Variants in SMAP2 observed in about 807,000 individuals in gnomAD.
SMAP2 encodes stromal membrane-associated protein 2.
A neutral mutation model predicts 56.4 loss-of-function variants in SMAP2; 25 were observed. That is an observed-to-expected ratio of 0.44 (90% CI 0.32 to 0.62). The LOEUF (loss-of-function observed/expected upper bound fraction) is 0.62. Among genes scored for constraint, SMAP2 ranks in the 20% least tolerant of loss-of-function variants. SMAP2 has a pLI of 0.04. For missense variants in SMAP2, 388 were observed against 545.6 expected (o/e 0.71, Z 2.88); for synonymous variants, 157 against 181.7 (o/e 0.86, Z 1.09).
intron 6 of SMAP2, 77 bp downstream of exon 6, chr1:40,414,317 G>GA: frequency 7.4e-7 from 1 of 1,355,574 alleles, no homozygotes; most frequent in South Asian, 1.2e-5. Flanking sequence ...GATAGGTAGA[G>GA]ATGGGGTTCT....
intron 1 of SMAP2, chr1:40,375,830 C>T (rs1037316195): frequency 1.3e-6 from 1 of 776,378 alleles, no homozygotes; most frequent in Non-Finnish European, 1.6e-6. Flanking sequence ...ACTAGAACCC[C>T]CCCCCCCATT....
At position 40,348,774 on chromosome 1, in the gene SMAP2, T is replaced by C. The variant is rs181762984; in HGVS notation, c.-83+3864T>C. Among the ~76,000 whole-genome samples the C allele has an allele frequency of 3.3e-5, 5 of 152,190 alleles. No individual in the cohort carries two copies. The East Asian group carries it at 9.7e-4, about 29-fold the overall frequency. On this transcript the variant is annotated intron_variant, in intron 1 of 6. Transcript: ENST00000435168. Reference sequence around the variant, plus strand: ...AGAAGAATAAAATACTATTTCTTTCTTTCTTTCTTTCTTTTTTGAGATGGA... The same window carrying C: ...AGAAGAATAAAATACTATTTCTTTCCTTCTTTCTTTCTTTTTTGAGATGGA...
rs991322998 is a variant in SMAP2 at position 40,423,063 on chromosome 1, G to A, written c.*962G>A. 17 of 152,578 alleles carry A rather than the reference G, an allele frequency of 1.1e-4. No homozygotes were observed. The highest frequency in any genetic ancestry group is 3.9e-4 in the African/African-American group (16 of 41,414). The allele number at this position is 152,578 out of a possible 1,614,324, so 9.5% of individuals were successfully genotyped here. On this transcript the variant is annotated 3_prime_UTR_variant, in exon 10 of 10. Transcript: ENST00000372718. The stretch of plus-strand genomic sequence containing the variant: ...ATGGTTTAAAAAACGCCATGTCATT[G>A]ATAACTCCCTTTCTCCCTTCCCTTC...
intron 1 of SMAP2, among the ~76,000 whole-genome samples, chr1:40,350,085 C>T (rs1031707883): frequency 6.6e-6 from 1 of 152,110 alleles, no homozygotes; most frequent in African/African-American, 2.4e-5. Flanking sequence ...CATGTGTTCC[C>T]AGTATCAAGA....
At chr1:40,352,928 G>C (rs1195521296) in intron 1 of SMAP2, among the ~76,000 whole-genome samples, 1 of 152,160 alleles carries the variant, frequency 6.6e-6, no homozygotes, top group Admixed American at 6.5e-5. Flanking sequence ...TTTTATGTCT[G>C]GGTACTCCCA....
rs891529700 is a variant in SMAP2 at position 40,386,180 on chromosome 1, G to A, written c.103+11957G>A. On this transcript the variant is annotated intron_variant, in intron 1 of 9. Transcript: ENST00000372718. This position sits in a 1 kb window ranked among gnomAD's most constrained non-coding sequence, Gnocchi z 4.1. ...CTTTTGTTCAAAATAGCTGAAAACA[G>A]CAGAGCTGACGGAAACCAATTTGAG... is the stretch of plus-strand genomic sequence containing the variant. Among the ~76,000 whole-genome samples, 7 of 152,192 alleles carry A rather than the reference G, an allele frequency of 4.6e-5. No homozygotes were observed. Among genetic ancestry groups the A allele is most frequent in the Admixed American group, 3.3e-4 (5 of 15,284 alleles).
intron 7 of SMAP2, 48 bp from the exon 8 acceptor site, chr1:40,416,127 AC>A (rs1644984064): frequency 3.9e-6 from 6 of 1,553,312 alleles, no homozygotes; most frequent in Non-Finnish European, 5.3e-6. Flanking sequence ...CCTTAAAGAG[AC>A]CCCCATGAGA....
chr1:40,394,066 A>G (rs1201920627), intron 1 of SMAP2, among the ~76,000 whole-genome samples: 1 of 152,042 alleles, frequency 6.6e-6, no homozygotes, highest in Non-Finnish European at 1.5e-5. Context: ...ATCATTTGCA[A>G]CTGAGTTCAT....
upstream of SMAP2, among the ~76,000 whole-genome samples, chr1:40,372,298 C>G (rs966804005): frequency 5.9e-5 from 9 of 151,930 alleles, no homozygotes; most frequent in Non-Finnish European, 1.2e-4. Context: ...TTGTTTGAGA[C>G]AGGGTAACGG....
At position 40,374,272 on chromosome 1, in the gene SMAP2, T is replaced by C; in HGVS notation, c.103+49T>C. 1.2e-5 allele frequency: 18 copies of C among 1,500,732 alleles called. No individual in the cohort carries two copies. The highest frequency in any genetic ancestry group is 1.6e-5 in the Non-Finnish European group (17 of 1,092,658). The allele number at this position is 1,500,732 out of a possible 1,614,324, so 93.0% of individuals were successfully genotyped here. A position where few individuals can be genotyped will look rare whatever the true frequency, so the allele number is the denominator to read the frequency against. On this transcript the variant is annotated intron_variant, in intron 1 of 9. Coordinates refer to ENST00000372718, the MANE Select transcript of SMAP2 (RefSeq NM_022733.3). The surrounding 1 kb of genome is among the most constrained non-coding windows in gnomAD (Gnocchi z 5.9). Reference sequence around the variant, plus strand: ...CAGGGGTCCAGCCGCGCCGGGGTGGTGGGGGTGGGCTGCGTGAAGAGGCGG... The same window carrying C: ...CAGGGGTCCAGCCGCGCCGGGGTGGCGGGGGTGGGCTGCGTGAAGAGGCGG...
chr1:40,378,637 AT>A (rs1278783606), intron 1 of SMAP2, among the ~76,000 whole-genome samples: 1 of 152,106 alleles, frequency 6.6e-6, no homozygotes, highest in Non-Finnish European at 1.5e-5. Flanking sequence ...AGTACAAGAC[AT>A]TTGATCATCT....
rs537803780 is a variant in SMAP2, at chr1:40,387,832, C to T, written c.103+13609C>T. On this transcript the variant is annotated intron_variant, in intron 1 of 9. Coordinates refer to ENST00000372718, the MANE Select transcript of SMAP2 (RefSeq NM_022733.3). ...TGGCCGAGGCCGGAGCTGGCTCCCT[C>T]GGCTTGCGGGGAGGTGTGGAGGGAG... Among the ~76,000 whole-genome samples the T allele has an allele frequency of 9.6e-4, 143 of 149,250 alleles. 1 individual carries two copies. The highest frequency in any genetic ancestry group is 3.2e-3 in the African/African-American group (131 of 40,950).
chr1:40,404,537 T>G (rs941566341), intron 1 of SMAP2, among the ~76,000 whole-genome samples: 1 of 152,338 alleles, frequency 6.6e-6, no homozygotes, highest in Middle Eastern at 3.4e-3. Context: ...TTTTCCCATC[T>G]TAAGGCCAGG....
At chr1:40,362,905 G>C (rs1342492761) in intron 2 of SMAP2, among the ~76,000 whole-genome samples, 1 of 152,140 alleles carries the variant, frequency 6.6e-6, no homozygotes, top group African/African-American at 2.4e-5. Flanking sequence ...GAGCAGCAGG[G>C]CAGAAGCTTC....
chr1:40,359,985 T>A (rs557342831), intron 1 of SMAP2, among the ~76,000 whole-genome samples: 2 of 149,688 alleles, frequency 1.3e-5, no homozygotes, highest in South Asian at 2.1e-4. Flanking sequence ...AAAGACAGAC[T>A]TTTTTCTTCT....
At chr1:40,393,791 C>T (rs978889988) in intron 1 of SMAP2, among the ~76,000 whole-genome samples, 7 of 152,092 alleles carry the variant, frequency 4.6e-5, no homozygotes, top group African/African-American at 1.4e-4. Flanking sequence ...GGTGATCCAC[C>T]GGCCTTAGCA....
At chr1:40,376,200 C>T (rs1405890363) in intron 1 of SMAP2, among the ~76,000 whole-genome samples, 3 of 152,198 alleles carry the variant, frequency 2.0e-5, no homozygotes, top group Admixed American at 6.5e-5. Flanking sequence ...ATCCACCCGC[C>T]TCAGCCTTCC....
At chr1:40,345,964 C>T (rs1425239339) in intron 1 of SMAP2, among the ~76,000 whole-genome samples, 9 of 66,342 alleles carry the variant, frequency 1.4e-4, no homozygotes, top group Admixed American at 2.2e-4. Flanking sequence ...GTATTTCTAT[C>T]ACTTTTTTTT....
In SMAP2 at chr1:40,350,968, A is replaced by C. The variant is rs900616602; in HGVS notation, c.-83+6058A>C. ...TTACAAATAATAATTGTAAGCCTCC[A>C]GAGTGGAGACTCTGAAGACTCAAAG... On this transcript the variant is annotated intron_variant, in intron 1 of 6. Transcript: ENST00000435168. Among the ~76,000 whole-genome samples, 5 of 152,240 alleles carry C rather than the reference A, an allele frequency of 3.3e-5. No individual in the cohort carries two copies. The East Asian group carries it at 9.6e-4, about 29-fold the overall frequency.
Sources: gnomAD v4.1 joint callset for allele counts (sites outside exome capture counted in the v4.1 genomes callset) on GRCh38, gnomAD v4.1.1 for gene constraint, Gnocchi (gnomAD v3.1) non-coding constraint, MANE v1.5 for transcripts, NCBI Gene and HGNC (gene_info 2026-07-23, HGNC 2026-07-21) for gene names.